The following PPP3CB variants were observed in gnomAD, a reference collection of about 807,000 sequenced individuals.
PPP3CB encodes serine/threonine-protein phosphatase 2B catalytic subunit beta isoform.
Under a neutral mutation model 66.4 loss-of-function variants are expected in PPP3CB, and 8 were observed. The observed-to-expected ratio is 0.12, with a 90% confidence interval of 0.07 to 0.22. The LOEUF (loss-of-function observed/expected upper bound fraction) is 0.22. PPP3CB is among the 10% of genes least tolerant of loss of function. The pLI is 1.00. For synonymous variants in PPP3CB, 208 were observed against 221.2 expected, an observed-to-expected ratio of 0.94 and a Z score of 0.53; for missense variants, 319 against 642.5, an observed-to-expected ratio of 0.50 and a Z score of 5.44.
chr10:73,468,719 C>A (rs1051281703), intron 8 of PPP3CB, among the ~76,000 whole-genome samples: 3 of 152,098 alleles, frequency 2.0e-5, no homozygotes, highest in African/African-American at 7.2e-5. Context: ...AATCCTGCTA[C>A]ATGTTACTGT....
chr10:73,481,837 A>T (rs2056884716), intron 1 of PPP3CB, among the ~76,000 whole-genome samples: 2 of 152,052 alleles, frequency 1.3e-5, no homozygotes, highest in Middle Eastern at 3.4e-3. Context: ...GTAAAATAAA[A>T]CTGGACCTTG....
At chr10:73,452,220 C>G (rs1376398094) in intron 10 of PPP3CB, among the ~76,000 whole-genome samples, 1 of 152,100 alleles carries the variant, frequency 6.6e-6, no homozygotes. Context: ...TTCATTATCT[C>G]AATACCTACA....
Position 73,471,106 on chromosome 10 carries a change from C to A in PPP3CB, c.773G>T (p.Ser258Ile). Reference sequence around the variant, plus strand: ...AGAACATCCTCGAACTGTATTGTGACTAAAATGTTCCTGTGATTTTTCATT... The same window carrying A: ...AGAACATCCTCGAACTGTATTGTGAATAAAATGTTCCTGTGATTTTTCATT... ...FGNEKSQEHF[S>I]HNTVRGCSYF... The change falls in exon 6 of 14, where the codon AGT becomes ATT. Residue 258 changes from serine to isoleucine, a missense_variant. By Grantham distance (142) the Ser-to-Ile change is moderately radical (BLOSUM62 -2). This residue lies in a region of PPP3CB where 120 missense variants were observed against 331.2 expected (regional missense o/e 0.36). Transcript: ENST00000360663. The A allele has an allele frequency of 6.2e-7, 1 of 1,611,528 alleles. No homozygotes were observed. Among genetic ancestry groups the A allele is most frequent in the Non-Finnish European group, 8.5e-7 (1 of 1,177,930 alleles).
chr10:73,467,962 A>G (rs1243892798), intron 8 of PPP3CB, among the ~76,000 whole-genome samples: 1 of 152,192 alleles, frequency 6.6e-6, no homozygotes. Flanking sequence ...TAATCCAATG[A>G]TGAACATACA....
intron 4 of PPP3CB, among the ~76,000 whole-genome samples, chr10:73,473,605 T>C (rs180671393): frequency 2.6e-3 from 396 of 151,940 alleles, no homozygotes; most frequent in African/African-American, 8.5e-3. Flanking sequence ...GAGCCGAGAT[T>C]GTACCACTGC....
In PPP3CB at chr10:73,476,433, A is replaced by G. The variant is rs188339871; in HGVS notation, c.412-1403T>C. On this transcript the variant is annotated intron_variant, in intron 3 of 13. Coordinates refer to ENST00000360663, the MANE Select transcript of PPP3CB (RefSeq NM_021132.4). Reference sequence around the variant, plus strand: ...GGAGTTCGAGATCAGCTTGACCAACATGGCGAAACTCCATCTCTATTAAAA... The same window carrying G: ...GGAGTTCGAGATCAGCTTGACCAACGTGGCGAAACTCCATCTCTATTAAAA... 7.8e-4 allele frequency among the ~76,000 whole-genome samples: 118 copies of G among 152,208 alleles called. No homozygotes were observed. The East Asian group carries it at 0.011, about 14-fold the overall frequency.
intron 9 of PPP3CB, among the ~76,000 whole-genome samples, chr10:73,457,378 G>C (rs538596177): frequency 1.3e-4 from 20 of 150,022 alleles, no homozygotes; most frequent in African/African-American, 4.9e-4. Flanking sequence ...TGAGATTGCA[G>C]TGAGTTACGA....
intron 1 of PPP3CB, among the ~76,000 whole-genome samples, chr10:73,481,266 G>A (rs1409827645): frequency 1.3e-5 from 2 of 150,814 alleles, no homozygotes; most frequent in Non-Finnish European, 2.9e-5. Context: ...GAAGTCAGGA[G>A]TTCAAGACCA....
chr10:73,453,861 G>GCTTGTTT (rs1161072434), intron 10 of PPP3CB, among the ~76,000 whole-genome samples: 1 of 152,054 alleles, frequency 6.6e-6, no homozygotes, highest in Non-Finnish European at 1.5e-5. Flanking sequence ...CATGCATTAG[G>GCTTGTTT]TACATAGGCT....
At chr10:73,478,832 G>A (rs938963304) in intron 2 of PPP3CB, among the ~76,000 whole-genome samples, 1 of 152,156 alleles carries the variant, frequency 6.6e-6, no homozygotes, top group Non-Finnish European at 1.5e-5. Context: ...CAGAAATAAC[G>A]AAATTTGTGG....
At chr10:73,439,976 C>T in intron 12 of PPP3CB, 75 bp from the exon 13 acceptor site, 2 of 1,410,232 alleles carry the variant, frequency 1.4e-6, no homozygotes, top group African/African-American at 1.4e-5. Context: ...GCAGAAAAGG[C>T]AATGATCACT....
intron 10 of PPP3CB, chr10:73,448,747 A>G: frequency 7.5e-6 from 4 of 533,048 alleles, no homozygotes; most frequent in Non-Finnish European, 1.5e-5. Flanking sequence ...GGTGGTTGGG[A>G]CAAATAAAAA....
At chr10:73,480,783 T>C (rs951430325) in intron 1 of PPP3CB, among the ~76,000 whole-genome samples, 1 of 152,168 alleles carries the variant, frequency 6.6e-6, no homozygotes, top group African/African-American at 2.4e-5. Flanking sequence ...CATTTCATCA[T>C]AGTTAAGTAG....
chr10:73,439,078 C>T (rs931233759), intron 13 of PPP3CB, among the ~76,000 whole-genome samples: 3 of 152,156 alleles, frequency 2.0e-5, no homozygotes, highest in Non-Finnish European at 2.9e-5. Context: ...GGCCATACTG[C>T]ACAGTCTTTG....
At chr10:73,481,574 C>T (rs375633071) in intron 1 of PPP3CB, among the ~76,000 whole-genome samples, 1 of 149,298 alleles carries the variant, frequency 6.7e-6, no homozygotes, top group East Asian at 1.9e-4. Context: ...TACAGAGAAG[C>T]TTGGAAATGT....
At chr10:73,469,901 A>G (rs190251329) in intron 8 of PPP3CB, among the ~76,000 whole-genome samples, 19 of 152,338 alleles carry the variant, frequency 1.2e-4, no homozygotes, top group Non-Finnish European at 2.4e-4. Flanking sequence ...ACATGTCAAG[A>G]CAGAAGAGAA....
intron 10 of PPP3CB, among the ~76,000 whole-genome samples, chr10:73,449,673 A>G (rs1296097835): frequency 3.9e-5 from 6 of 152,202 alleles, no homozygotes; most frequent in African/African-American, 1.4e-4. Flanking sequence ...AACGGATGCT[A>G]TGTGGGTTTA....
chr10:73,440,003 C>A (rs939587725), intron 12 of PPP3CB, 102 bp from the exon 13 acceptor site: 18 of 1,174,108 alleles, frequency 1.5e-5, no homozygotes, highest in Non-Finnish European at 2.1e-5. Context: ...ATCACAGTAT[C>A]CCATACTACA....
chr10:73,471,745 T>A (rs2056705064), intron 4 of PPP3CB, 132 bp from the exon 5 acceptor site: 1 of 707,868 alleles, frequency 1.4e-6, no homozygotes, highest in South Asian at 2.4e-5. Context: ...ATAATGAAAT[T>A]GAGATAGTTA....
Sources: allele counts gnomAD v4.1 joint callset (sites outside exome capture counted in the v4.1 genomes callset), GRCh38; gene constraint gnomAD v4.1.1; regional missense constraint gnomAD v4.1.1; transcripts MANE v1.5; gene names NCBI Gene and HGNC (gene_info 2026-07-23, HGNC 2026-07-21).